The following SGCZ variants were observed in gnomAD, a reference collection of about 807,000 sequenced individuals.
The protein encoded by SGCZ is zeta-sarcoglycan.
Under a neutral mutation model 41.3 loss-of-function variants are expected in SGCZ, and 40 were observed. The observed-to-expected ratio is 0.97, with a 90% CI of 0.75 to 1.26. The LOEUF is 1.26. Ranked by LOEUF, SGCZ falls within the 50% of genes most tolerant of loss-of-function variation. The pLI, the probability that SGCZ is intolerant of heterozygous loss-of-function variation, is 0.00. For missense variants in SGCZ, 552 were observed against 369.8 expected (o/e 1.49, Z -4.04); for synonymous variants, 206 against 137.5 (o/e 1.50, Z -3.49).
intron 1 of SGCZ, among the ~76,000 whole-genome samples, chr8:14,904,252 T>C (rs997551597): frequency 6.6e-6 from 1 of 152,092 alleles, no homozygotes; most frequent in African/African-American, 2.4e-5. Context: ...AAAATACGCT[T>C]GATTTCTCCA....
At chr8:14,786,429 C>T (rs979886563) in intron 1 of SGCZ, among the ~76,000 whole-genome samples, 7 of 151,988 alleles carry the variant, frequency 4.6e-5, no homozygotes, top group Non-Finnish European at 7.4e-5. Context: ...ATGAAATTTC[C>T]ATGAAACTTG....
chr8:14,200,065 C>T (rs1448483417), intron 4 of SGCZ, among the ~76,000 whole-genome samples: 1 of 152,100 alleles, frequency 6.6e-6, no homozygotes, highest in Non-Finnish European at 1.5e-5. Context: ...CCGGTAGTAT[C>T]CATGGTTTCT....
chr8:14,238,614 G>A (rs1289587527), intron 3 of SGCZ, among the ~76,000 whole-genome samples: 3 of 152,118 alleles, frequency 2.0e-5, no homozygotes, highest in Non-Finnish European at 2.9e-5. Flanking sequence ...ACCTTCCACA[G>A]ACAAGTAACA....
chr8:14,944,876 T>G (rs953178531), intron 1 of SGCZ, among the ~76,000 whole-genome samples: 3 of 152,146 alleles, frequency 2.0e-5, no homozygotes, highest in African/African-American at 7.2e-5. Context: ...CATTGTAAGT[T>G]GACAATTATC....
intron 1 of SGCZ, among the ~76,000 whole-genome samples, chr8:15,205,048 A>G (rs1196387941): frequency 6.6e-6 from 1 of 152,224 alleles, no homozygotes; most frequent in Non-Finnish European, 1.5e-5. Flanking sequence ...ATTCTAAAAA[A>G]AGTTCAAGTT....
intron 3 of SGCZ, among the ~76,000 whole-genome samples, chr8:14,255,858 C>T (rs1799444798): frequency 6.6e-6 from 1 of 151,832 alleles, no homozygotes; most frequent in Non-Finnish European, 1.5e-5. Flanking sequence ...CATCAAAAAC[C>T]CTATCACATT....
chr8:14,434,329 C>A (rs1268973834), intron 2 of SGCZ, among the ~76,000 whole-genome samples: 1 of 152,142 alleles, frequency 6.6e-6, no homozygotes, highest in Non-Finnish European at 1.5e-5. Flanking sequence ...GGTCTATGTG[C>A]CTATGTTTAT....
intron 1 of SGCZ, among the ~76,000 whole-genome samples, chr8:15,079,684 A>G (rs1805670791): frequency 6.6e-6 from 1 of 152,158 alleles, no homozygotes; most frequent in East Asian, 1.9e-4. Context: ...CCGATCCATT[A>G]TTTTGGTGAT....
chr8:14,660,699 A>G (rs568889367), intron 1 of SGCZ, among the ~76,000 whole-genome samples: 1 of 152,210 alleles, frequency 6.6e-6, no homozygotes, highest in South Asian at 2.1e-4. Flanking sequence ...AGACCAGTGA[A>G]ATAATATTAT....
At chr8:14,555,954 C>T (rs919166830) in intron 1 of SGCZ, among the ~76,000 whole-genome samples, 1 of 151,934 alleles carries the variant, frequency 6.6e-6, no homozygotes, top group Non-Finnish European at 1.5e-5. Flanking sequence ...TTATACCATA[C>T]TATTTCATAA....
intron 1 of SGCZ, among the ~76,000 whole-genome samples, chr8:15,156,079 A>G (rs1330962085): frequency 6.6e-6 from 1 of 151,702 alleles, no homozygotes; most frequent in Non-Finnish European, 1.5e-5. Context: ...AAAAAAATAG[A>G]AGAGTGAAGT....
At chr8:14,263,668 C>T (rs1191596292) in intron 3 of SGCZ, among the ~76,000 whole-genome samples, 1 of 152,058 alleles carries the variant, frequency 6.6e-6, no homozygotes, top group Admixed American at 6.5e-5. Flanking sequence ...CCCACAGAAA[C>T]ATCAAATTTA....
intron 1 of SGCZ, among the ~76,000 whole-genome samples, chr8:14,706,644 C>A (rs1186807602): frequency 6.6e-6 from 1 of 152,072 alleles, no homozygotes; most frequent in Non-Finnish European, 1.5e-5. Context: ...TTGTGGGACT[C>A]CTATACTAGA....
At chr8:14,390,454 G>T (rs1480743629) in intron 2 of SGCZ, among the ~76,000 whole-genome samples, 1 of 151,742 alleles carries the variant, frequency 6.6e-6, no homozygotes, top group Non-Finnish European at 1.5e-5. Context: ...AATTAAATTT[G>T]CATATATATG....
At position 14,239,901 on chromosome 8, in the gene SGCZ, CAAAAAAAAAAAAA is replaced by C. The variant is rs71209029; in HGVS notation, c.337-2235_337-2223del. On this transcript the variant is annotated intron_variant, in intron 3 of 7. Coordinates refer to ENST00000382080, the MANE Select transcript of SGCZ (RefSeq NM_139167.4). ...TGGGCGACAGAGCGAGACTCCGTCT[CAAAAAAAAAAAAA>C]AAAAAAAAAAAAAAAAAAAAAAGAA... Among the ~76,000 whole-genome samples the C allele has an allele frequency of 3.8e-3, 159 of 41,318 alleles. 2 individuals are homozygous for C. The highest frequency in any genetic ancestry group is 0.018 in the Middle Eastern group (1 of 56). 27.1% of individuals were successfully genotyped at this position (41,318 alleles called of 152,430 possible).
At chr8:14,430,163 G>C (rs1799901817) in intron 2 of SGCZ, among the ~76,000 whole-genome samples, 1 of 152,028 alleles carries the variant, frequency 6.6e-6, no homozygotes, top group Non-Finnish European at 1.5e-5. Flanking sequence ...CCACAAGATA[G>C]AGAAAGAGGG....
At chr8:14,686,746 T>C (rs1449927350) in intron 1 of SGCZ, among the ~76,000 whole-genome samples, 1 of 152,114 alleles carries the variant, frequency 6.6e-6, no homozygotes, top group Non-Finnish European at 1.5e-5. Context: ...TATATTTTAA[T>C]GCATGGTTTT....
intron 4 of SGCZ, among the ~76,000 whole-genome samples, chr8:14,191,419 A>G (rs1390087668): frequency 6.6e-6 from 1 of 152,174 alleles, no homozygotes; most frequent in African/African-American, 2.4e-5. Context: ...GTTAATGTCA[A>G]AGAGTTTTTC....
intron 4 of SGCZ, among the ~76,000 whole-genome samples, chr8:14,208,665 TA>T (rs1210467921): frequency 6.6e-6 from 1 of 152,146 alleles, no homozygotes; most frequent in Admixed American, 6.6e-5. Flanking sequence ...TGAAAACAAC[TA>T]GAAACACTTA....
Sources: allele counts gnomAD v4.1 joint callset (sites outside exome capture counted in the v4.1 genomes callset), GRCh38; gene constraint gnomAD v4.1.1; transcripts MANE v1.5; gene names NCBI Gene and HGNC (gene_info 2026-07-23, HGNC 2026-07-21).